Variants in DPP9 observed in about 807,000 individuals in gnomAD.
DPP9 encodes dipeptidyl peptidase IV-related protein-2.
In DPP9, 50 loss-of-function variants were observed where a neutral mutation model predicts 110.7. The observed-to-expected ratio is 0.45, with a 90% CI of 0.36 to 0.57. DPP9 has a LOEUF of 0.57. DPP9 is among the 20% of genes least tolerant of loss of function. The pLI, the probability that DPP9 is intolerant of heterozygous loss-of-function variation, is 0.00. For synonymous variants in DPP9, 561 were observed against 514.4 expected (o/e 1.09, Z -1.23); for missense variants, 1,022 against 1,217.9 (o/e 0.84, Z 2.39).
chr19:4,692,561 G>A (rs1477522510), intron 13 of DPP9, among the ~76,000 whole-genome samples: 2 of 152,156 alleles, frequency 1.3e-5, no homozygotes, highest in African/African-American at 4.8e-5. Flanking sequence ...GATGCATGGT[G>A]TGTGCTGGGG....
At chr19:4,699,786 C>A (rs749001955) in intron 10 of DPP9, among the ~76,000 whole-genome samples, 15 of 152,208 alleles carry the variant, frequency 9.9e-5, no homozygotes, top group Non-Finnish European at 4.4e-5. Flanking sequence ...CTGCCTGAAA[C>A]GCTGGAGGAA....
At chr19:4,686,678 C>T (rs369993953) in intron 16 of DPP9, among the ~76,000 whole-genome samples, 1 of 152,170 alleles carries the variant, frequency 6.6e-6, no homozygotes, top group Non-Finnish European at 1.5e-5. Context: ...GCTGGGATTA[C>T]AGGCGTGAGG....
chr19:4,692,489 G>A (rs961499832), intron 13 of DPP9, among the ~76,000 whole-genome samples: 4 of 152,110 alleles, frequency 2.6e-5, no homozygotes, highest in African/African-American at 7.2e-5. Context: ...GCGTCCCGAC[G>A]TGTTCCTTCT....
chr19:4,688,742 G>T lies in DPP9; in HGVS notation c.1885+15C>A, dbSNP rs755075774. 2.1e-6 allele frequency: 3 copies of T among 1,426,638 alleles called. No homozygotes were observed. The highest frequency in any genetic ancestry group is 2.7e-6 in the Non-Finnish European group (3 of 1,095,934). The allele number at this position is 1,426,638 out of a possible 1,614,324, so 88.4% of individuals were successfully genotyped here. On this transcript the variant is annotated intron_variant, in intron 16 of 21. Transcript: ENST00000262960. Reference sequence around the variant, plus strand: ...CGGGCGGAGGCCTCCGTGGGGCGGGGCAGGGGCTACTCACTGGCTGCCTCC... The same window carrying T: ...CGGGCGGAGGCCTCCGTGGGGCGGGTCAGGGGCTACTCACTGGCTGCCTCC...
At chr19:4,721,578 C>T (rs912580808) in intron 2 of DPP9, among the ~76,000 whole-genome samples, 2 of 152,152 alleles carry the variant, frequency 1.3e-5, no homozygotes, top group African/African-American at 2.4e-5. Flanking sequence ...GTCTGGAGTT[C>T]GAGACCAGCC....
At position 4,687,820 on chromosome 19, in the gene DPP9, C is replaced by T. The variant is rs1184230698; in HGVS notation, c.1885+937G>A. On this transcript the variant is annotated intron_variant, in intron 16 of 21. Coordinates refer to ENST00000262960, the MANE Select transcript of DPP9 (RefSeq NM_139159.5). This position sits in a 1 kb window ranked among gnomAD's most constrained non-coding sequence, Gnocchi z 4.7. Reference sequence around the variant, plus strand: ...TTCAAAAGGTTTTTTTTTTTTGAGACGGAGTCTCGCTCTGTCGCCCAGGCT... The same window carrying T: ...TTCAAAAGGTTTTTTTTTTTTGAGATGGAGTCTCGCTCTGTCGCCCAGGCT... Among the ~76,000 whole-genome samples, 3 of 151,720 alleles carry T rather than the reference C, an allele frequency of 2.0e-5. No homozygotes were observed. Among genetic ancestry groups the T allele is most frequent in the South Asian group, 2.1e-4 (1 of 4,824 alleles).
chr19:4,709,421 G>C (rs1235080683), intron 4 of DPP9, among the ~76,000 whole-genome samples: 1 of 152,158 alleles, frequency 6.6e-6, no homozygotes, highest in African/African-American at 2.4e-5. Flanking sequence ...ATGTGTGTGG[G>C]AAGGAGAAAA....
chr19:4,714,061 G>A lies in DPP9; in HGVS notation c.313+20C>T, dbSNP rs777305214. 4.4e-6 allele frequency: 7 copies of A among 1,597,606 alleles called. No individual in the cohort carries two copies. The East Asian group carries it at 1.6e-4, about 36-fold the overall frequency. On this transcript the variant is annotated intron_variant, in intron 4 of 21. Coordinates refer to ENST00000262960, the MANE Select transcript of DPP9 (RefSeq NM_139159.5). ...CCCAGATGCTGTCCCCGCCCAAGCA[G>A]CCTGCAGGGCCCGGCTTACCCAGGT...
chr19:4,721,313 T>C (rs1000692016), intron 2 of DPP9, among the ~76,000 whole-genome samples: 9 of 152,222 alleles, frequency 5.9e-5, no homozygotes, highest in East Asian at 3.9e-4. Context: ...TCCCAACAGA[T>C]TGCCTGAGCC....
intron 19 of DPP9, chr19:4,683,074 G>A (rs1214287601): frequency 6.7e-7 from 1 of 1,490,856 alleles, no homozygotes; most frequent in African/African-American, 1.4e-5. Context: ...CGCCGCCGCA[G>A]AGGGCCGGGT....
chr19:4,695,621 G>C lies in DPP9; in HGVS notation c.1176-66C>G, dbSNP rs773434271. On this transcript the variant is annotated intron_variant, in intron 11 of 21. Transcript: ENST00000262960. This position sits in a 1 kb window ranked among gnomAD's most constrained non-coding sequence, Gnocchi z 4.7. ...GAGCCTCAGTGGCCTGCACAGAGAA[G>C]CTGGGGACGCAGCGTCCAAACCCGT... The C allele has an allele frequency of 8.6e-5, 115 of 1,341,866 alleles. No individual in the cohort carries two copies. The highest frequency in any genetic ancestry group is 1.1e-4 in the Non-Finnish European group (114 of 1,016,826). 83.1% of individuals were successfully genotyped at this position (1,341,866 alleles called of 1,614,324 possible).
intron 4 of DPP9, among the ~76,000 whole-genome samples, chr19:4,708,898 C>G (rs972578787): frequency 6.6e-6 from 1 of 152,110 alleles, no homozygotes; most frequent in Non-Finnish European, 1.5e-5. Context: ...AAGAACAAAC[C>G]GGCACATGTG....
At chr19:4,683,131 C>T (rs1280445302) in intron 19 of DPP9, 4 of 1,470,970 alleles carry the variant, frequency 2.7e-6, no homozygotes, top group African/African-American at 1.4e-5. Flanking sequence ...CGCCGCCCCG[C>T]AGTGCCCTGA....
At chr19:4,690,810 TGTGTGA>T in intron 14 of DPP9, 62 bp downstream of exon 14, 1 of 1,208,622 alleles carries the variant, frequency 8.3e-7, no homozygotes, top group Non-Finnish European at 1.2e-6. Flanking sequence ...CGTGCGTGTG[TGTGTGA>T]GTGTATGTGT....
rs2093192828 is a variant in DPP9 at position 4,718,863 on chromosome 19, G to C, written c.56+988C>G. Reference sequence around the variant, plus strand: ...TCCATTGAAGCAAACAAGCCTAAGAGTATTAGAAAATTGAATACTGAGAAA... The same window carrying C: ...TCCATTGAAGCAAACAAGCCTAAGACTATTAGAAAATTGAATACTGAGAAA... On this transcript the variant is annotated intron_variant, in intron 3 of 21. Coordinates refer to ENST00000262960, the MANE Select transcript of DPP9 (RefSeq NM_139159.5). This position sits in a 1 kb window ranked among gnomAD's most constrained non-coding sequence, Gnocchi z 4.3. 6.6e-6 allele frequency among the ~76,000 whole-genome samples: 1 copy of C among 152,148 alleles called. No homozygotes were observed. Among genetic ancestry groups the C allele is most frequent in the Admixed American group, 6.5e-5 (1 of 15,268 alleles).
chr19:4,717,469 A>G (rs1391370019), intron 3 of DPP9: 2 of 152,176 alleles, frequency 1.3e-5, no homozygotes, highest in Non-Finnish European at 2.9e-5. Flanking sequence ...TGCTGCCCCA[A>G]TTCAAGCCTG....
intron 2 of DPP9, 100 bp from the exon 3 acceptor site, chr19:4,720,041 C>CT (rs981358589): frequency 7.9e-6 from 7 of 888,120 alleles, no homozygotes; most frequent in African/African-American, 3.6e-5. Flanking sequence ...CTCCAGGCAG[C>CT]CCCCCAAGCC....
At chr19:4,681,331 T>C (rs2089843403) in intron 20 of DPP9, among the ~76,000 whole-genome samples, 1 of 152,136 alleles carries the variant, frequency 6.6e-6, no homozygotes, top group Admixed American at 6.5e-5. Context: ...ATTATTATTT[T>C]TTGAGACAGA....
intron 21 of DPP9, among the ~76,000 whole-genome samples, chr19:4,678,064 AC>A (rs1356945793): frequency 1.3e-5 from 2 of 150,296 alleles, no homozygotes; most frequent in African/African-American, 2.4e-5. Flanking sequence ...GTGAGACAGG[AC>A]CCTGGGCCCA....
Sources: allele counts gnomAD v4.1 joint callset (sites outside exome capture counted in the v4.1 genomes callset), GRCh38; gene constraint gnomAD v4.1.1; non-coding constraint Gnocchi (gnomAD v3.1); transcripts MANE v1.5; gene names NCBI Gene and HGNC (gene_info 2026-07-23, HGNC 2026-07-21).